Variants in LRBA observed in about 807,000 individuals in gnomAD.
LRBA encodes the protein LPS responsive beige-like anchor protein, also known as lipopolysaccharide-responsive and beige-like anchor protein.
Under a neutral mutation model 330.0 loss-of-function variants are expected in LRBA, and 176 were observed. The observed-to-expected ratio is 0.53, with a 90% confidence interval of 0.47 to 0.60. The LOEUF (loss-of-function observed/expected upper bound fraction) is 0.60. LRBA is among the 20% of genes least tolerant of loss of function. LRBA has a pLI of 0.00. For missense variants in LRBA, 3,259 were observed against 3,444.8 expected, an observed-to-expected ratio of 0.95 and a Z score of 1.35; for synonymous variants, 1,230 against 1,193.0, an observed-to-expected ratio of 1.03 and a Z score of -0.64.
At chr4:150,669,149 C>T (rs1228421161) in intron 37 of LRBA, among the ~76,000 whole-genome samples, 1 of 152,086 alleles carries the variant, frequency 6.6e-6, no homozygotes, top group Admixed American at 6.6e-5. Flanking sequence ...ACTGAAAACT[C>T]TAAGAACTGA....
intron 35 of LRBA, among the ~76,000 whole-genome samples, chr4:150,751,704 C>T (rs940791239): frequency 1.4e-4 from 22 of 152,072 alleles, no homozygotes; most frequent in Admixed American, 3.9e-4. Context: ...GTATAATTTA[C>T]ACCTACAGTG....
At chr4:150,896,736 T>G (rs1730126044) in intron 15 of LRBA, among the ~76,000 whole-genome samples, 1 of 151,958 alleles carries the variant, frequency 6.6e-6, no homozygotes, top group Admixed American at 6.6e-5. Context: ...GCAAAAATAA[T>G]AAGTAATGAT....
intron 17 of LRBA, among the ~76,000 whole-genome samples, chr4:150,883,452 G>A (rs375070578): frequency 3.3e-5 from 5 of 152,108 alleles, no homozygotes; most frequent in East Asian, 1.9e-4. Flanking sequence ...AGAGTGAGAC[G>A]CTGTCTCAAA....
rs1750219486 is a variant in LRBA at position 150,848,829 on chromosome 4, C to T, written c.4328G>A (p.Cys1443Tyr). The T allele has an allele frequency of 6.2e-7, 1 of 1,603,614 alleles. No individual in the cohort carries two copies. The highest frequency in any genetic ancestry group is 2.2e-5 in the East Asian group (1 of 44,748). The change falls in exon 26 of 57, where the codon TGT (cysteine) becomes TAT (tyrosine). Residue 1443 changes from cysteine (C) to tyrosine (Y), a missense_variant. Transcript: ENST00000651943. ...SMSSGGILRQ[C>Y]LRLVCAVAVR... ...TTTTAGCAGCTCACCTAGTCGGAGA[C>T]ACTGCCGCAAAATTCCTCCAGATGA...
intron 47 of LRBA, among the ~76,000 whole-genome samples, chr4:150,387,438 C>A (rs1743247131): frequency 6.6e-6 from 1 of 152,044 alleles, no homozygotes; most frequent in Non-Finnish European, 1.5e-5. Context: ...TTTCAAATGA[C>A]TAGGCTTGAT....
At chr4:150,834,440 T>C (rs1469246267) in intron 28 of LRBA, among the ~76,000 whole-genome samples, 2 of 152,298 alleles carry the variant, frequency 1.3e-5, no homozygotes, top group East Asian at 3.9e-4. Flanking sequence ...GAAAATAACA[T>C]GAATCTCCTT....
chr4:150,394,813 G>A (rs946530935), intron 47 of LRBA, among the ~76,000 whole-genome samples: 5 of 152,194 alleles, frequency 3.3e-5, no homozygotes, highest in African/African-American at 1.2e-4. Context: ...ACATGTAGTA[G>A]AGGTGTCATG....
chr4:150,760,344 AT>A (rs1184580029), intron 35 of LRBA, among the ~76,000 whole-genome samples: 1 of 152,166 alleles, frequency 6.6e-6, no homozygotes, highest in Admixed American at 6.5e-5. Context: ...CTACATGAAA[AT>A]GTATCTCTAT....
intron 44 of LRBA, among the ~76,000 whole-genome samples, chr4:150,453,082 A>T (rs1325622777): frequency 6.6e-6 from 1 of 152,206 alleles, no homozygotes; most frequent in Non-Finnish European, 1.5e-5. Context: ...TATACTAAGG[A>T]ATTGGAACAT....
intron 50 of LRBA, among the ~76,000 whole-genome samples, chr4:150,318,902 T>G (rs1732093966): frequency 6.6e-6 from 1 of 152,102 alleles, no homozygotes. Flanking sequence ...GAGCCAGGAC[T>G]GGGAACAGTT....
chr4:150,799,287 A>G (rs1268034643), intron 33 of LRBA, among the ~76,000 whole-genome samples: 1 of 152,200 alleles, frequency 6.6e-6, no homozygotes, highest in African/African-American at 2.4e-5. Context: ...GAATGTCTCT[A>G]TATTGTATTA....
chr4:150,797,341 C>T (rs1453691666), intron 34 of LRBA, among the ~76,000 whole-genome samples: 1 of 151,632 alleles, frequency 6.6e-6, no homozygotes, highest in Admixed American at 6.6e-5. Flanking sequence ...CAATACCTTT[C>T]CTATTAAAAA....
intron 47 of LRBA, among the ~76,000 whole-genome samples, chr4:150,379,246 T>C (rs1159239248): frequency 3.0e-5 from 4 of 132,192 alleles, no homozygotes; most frequent in Non-Finnish European, 3.0e-5. Context: ...GAGGTTGTAG[T>C]GAGCCGAGAT....
chr4:150,608,519 A>G (rs908881203), intron 37 of LRBA, among the ~76,000 whole-genome samples: 1 of 152,226 alleles, frequency 6.6e-6, no homozygotes, highest in Non-Finnish European at 1.5e-5. Context: ...ACCATTATTT[A>G]ATTCTGCTTA....
At chr4:150,718,840 T>C (rs1330271662) in intron 36 of LRBA, among the ~76,000 whole-genome samples, 1 of 152,068 alleles carries the variant, frequency 6.6e-6, no homozygotes, top group Admixed American at 6.6e-5. Context: ...GAGGATTAGA[T>C]CCTATTCACA....
intron 2 of LRBA, among the ~76,000 whole-genome samples, chr4:150,968,418 C>A (rs1237975751): frequency 6.6e-6 from 1 of 152,180 alleles, no homozygotes; most frequent in Non-Finnish European, 1.5e-5. Context: ...AGTGTGAATG[C>A]AAAGGGAAAG....
intron 51 of LRBA, chr4:150,315,140 G>A (rs1731548643): frequency 4.2e-6 from 1 of 235,740 alleles, no homozygotes; most frequent in Non-Finnish European, 8.3e-6. Flanking sequence ...ATAACGCAGT[G>A]CTGCTAAGAA....
intron 2 of LRBA, among the ~76,000 whole-genome samples, chr4:150,977,775 G>C (rs1392952112): frequency 2.0e-5 from 3 of 152,192 alleles, no homozygotes; most frequent in Non-Finnish European, 4.4e-5. Context: ...ATTCCCCATG[G>C]GTCTGTGGTG....
Position 150,503,314 on chromosome 4 carries a change from G to C in LRBA, c.6331-12279C>G, listed in dbSNP as rs1760556278. Among the ~76,000 whole-genome samples, 7 of 152,286 alleles carry C rather than the reference G, an allele frequency of 4.6e-5. No individual in the cohort carries two copies. The South Asian group carries it at 1.4e-3, about 32-fold the overall frequency. ...TGGGAGGCACCCCCCAGTAGGGGCG[G>C]ACTGACACCTCACACGGCCGGGTAC... On this transcript the variant is annotated intron_variant, in intron 40 of 56. Transcript: ENST00000651943.
Sources: gnomAD v4.1 joint callset for allele counts (sites outside exome capture counted in the v4.1 genomes callset) on GRCh38, gnomAD v4.1.1 for gene constraint, MANE v1.5 for transcripts, NCBI Gene and HGNC (gene_info 2026-07-23, HGNC 2026-07-21) for gene names.